PDE11A: variants seen among roughly 807,000 people sequenced by gnomAD.
PDE11A encodes phosphodiesterase 11A.
A neutral mutation model predicts 100.5 loss-of-function variants in PDE11A; 100 were observed. The ratio of observed to expected loss-of-function variants is 1.00; its 90% CI spans 0.85 to 1.18. PDE11A has a LOEUF of 1.18. PDE11A is among the 50% of genes most tolerant of loss of function. The pLI, the probability that PDE11A is intolerant of heterozygous loss-of-function variation, is 0.00. For missense variants in PDE11A, 1,141 were observed against 1,152.6 expected, an observed-to-expected ratio of 0.99 and a Z score of 0.15; for synonymous variants, 381 against 420.8, an observed-to-expected ratio of 0.91 and a Z score of 1.16.
In PDE11A at chr2:177,820,259, G is replaced by A; in HGVS notation, c.1537C>T (p.Leu513Phe). 1.9e-6 allele frequency: 3 copies of A among 1,594,172 alleles called. No individual in the cohort carries two copies. Among genetic ancestry groups the A allele is most frequent in the Non-Finnish European group, 1.7e-6 (2 of 1,162,320 alleles). ...TTGCTATTCCAAATAGGGACACAAA[G>A]AACAGATCTTATGTGAAAACCAGAT... is the stretch of plus-strand genomic sequence containing the variant. ...QISGFHIRSV[L>F]CVPIWNSNHQ... The change falls in exon 7 of 20, where the codon CTT becomes TTT. Residue 513 changes from leucine (L) to phenylalanine (F), a missense_variant. By Grantham distance (22) the Leu-to-Phe change is conservative (BLOSUM62 0). Transcript: ENST00000286063.
chr2:177,747,306 C>A (rs1320890724), intron 10 of PDE11A, among the ~76,000 whole-genome samples: 1 of 152,208 alleles, frequency 6.6e-6, no homozygotes, highest in East Asian at 1.9e-4. Context: ...CAATTTGGCT[C>A]CTGTTTCTAA....
At chr2:177,686,441 C>T (rs1195204337) in intron 15 of PDE11A, among the ~76,000 whole-genome samples, 1 of 152,094 alleles carries the variant, frequency 6.6e-6, no homozygotes, top group Non-Finnish European at 1.5e-5. Flanking sequence ...GAGGCACACG[C>T]CTGTAGTCCC....
intron 6 of PDE11A, among the ~76,000 whole-genome samples, chr2:177,821,285 T>C (rs1429922757): frequency 6.6e-6 from 1 of 151,828 alleles, no homozygotes; most frequent in African/African-American, 2.4e-5. Flanking sequence ...TCTTTTTCAA[T>C]GTTTTTTGAA....
intron 7 of PDE11A, 112 bp from the exon 8 acceptor site, chr2:177,818,037 A>G: frequency 1.4e-6 from 1 of 698,692 alleles, no homozygotes; most frequent in South Asian, 1.5e-5. Flanking sequence ...CACTCAGTTT[A>G]AACTCTGGTC....
intron 2 of PDE11A, among the ~76,000 whole-genome samples, chr2:177,915,617 T>G (rs1367670918): frequency 6.6e-6 from 1 of 152,230 alleles, no homozygotes; most frequent in Non-Finnish European, 1.5e-5. Flanking sequence ...TCTCAATTGC[T>G]CCCAAGATTT....
At chr2:177,685,607 T>A (rs547917902) in intron 15 of PDE11A, among the ~76,000 whole-genome samples, 11 of 152,252 alleles carry the variant, frequency 7.2e-5, no homozygotes, top group Admixed American at 4.6e-4. Context: ...TGGAGTGCAA[T>A]GTCGCGATCT....
intron 9 of PDE11A, among the ~76,000 whole-genome samples, chr2:177,770,700 A>T (rs569311924): frequency 1.3e-5 from 2 of 152,332 alleles, no homozygotes; most frequent in South Asian, 4.1e-4. Flanking sequence ...CCTGCCCCAG[A>T]ATTCTTGTTG....
chr2:177,808,844 A>C (rs1374246945), intron 9 of PDE11A, among the ~76,000 whole-genome samples: 2 of 152,196 alleles, frequency 1.3e-5, no homozygotes, highest in Non-Finnish European at 2.9e-5. Flanking sequence ...AAAAATAATC[A>C]GACCATGGAA....
chr2:177,859,910 T>A (rs1397926031), intron 5 of PDE11A, among the ~76,000 whole-genome samples: 1 of 151,836 alleles, frequency 6.6e-6, no homozygotes, highest in Non-Finnish European at 1.5e-5. Context: ...ATACTTTGAA[T>A]GAAAACAAAA....
chr2:178,059,533 C>A, intron 1 of PDE11A, among the ~76,000 whole-genome samples: 1 of 152,198 alleles, frequency 6.6e-6, no homozygotes, highest in Non-Finnish European at 1.5e-5. Context: ...AGAAAGACCC[C>A]TGTTTTCATT....
At chr2:177,674,619 T>C (rs1574031441) in intron 17 of PDE11A, among the ~76,000 whole-genome samples, 1 of 152,224 alleles carries the variant, frequency 6.6e-6, no homozygotes, top group East Asian at 1.9e-4. Context: ...AAAGATACTC[T>C]TTCCTTTCAC....
chr2:177,693,322 A>G lies in PDE11A; in HGVS notation c.2345+4010T>C, dbSNP rs547822627. Reference sequence around the variant, plus strand: ...ACAACATGGAAGTACATGAGAGTTAACATCCCACAGATCAACATTTGGTTG... The same window carrying G: ...ACAACATGGAAGTACATGAGAGTTAGCATCCCACAGATCAACATTTGGTTG... On this transcript the variant is annotated intron_variant, in intron 15 of 19. Transcript: ENST00000286063. 2.0e-5 allele frequency among the ~76,000 whole-genome samples: 3 copies of G among 152,324 alleles called. No homozygotes were observed. In the South Asian group the frequency reaches 6.2e-4, roughly 32 times the overall value.
At chr2:177,792,884 C>G (rs10178473) in intron 9 of PDE11A, among the ~76,000 whole-genome samples, 50,560 of 151,996 alleles carry the variant, frequency 0.33, 8,784 homozygotes, top group African/African-American at 0.39. Flanking sequence ...GGCAAACATA[C>G]AAGTTGAAAT....
At chr2:177,982,648 A>G (rs959792) in intron 2 of PDE11A, among the ~76,000 whole-genome samples, 96,843 of 150,024 alleles carry the variant, frequency 0.65, 34,671 homozygotes, top group African/African-American at 0.87. Context: ...GAGGAGGAAC[A>G]GATTAAATAT....
At chr2:177,792,092 C>G (rs1281637428) in intron 9 of PDE11A, among the ~76,000 whole-genome samples, 2 of 152,130 alleles carry the variant, frequency 1.3e-5, no homozygotes, top group Non-Finnish European at 2.9e-5. Context: ...ATAACTATTT[C>G]AAAATTAGTG....
chr2:177,702,997 C>T lies in PDE11A; in HGVS notation c.2154-1786G>A, dbSNP rs538069575. 1.1e-4 allele frequency among the ~76,000 whole-genome samples: 16 copies of T among 152,116 alleles called. No homozygotes were observed. In the South Asian group the frequency reaches 3.1e-3, roughly 30 times the overall value. ...TTCTATGAAGACACGTGTTTCAAAA[C>T]GTATACTATATGCCTTTGTCTTGGC... On this transcript the variant is annotated intron_variant, in intron 13 of 19. Transcript: ENST00000286063.
At chr2:177,793,880 A>T (rs1309623570) in intron 9 of PDE11A, among the ~76,000 whole-genome samples, 1 of 152,192 alleles carries the variant, frequency 6.6e-6, no homozygotes, top group Non-Finnish European at 1.5e-5. Context: ...AGTGAATTTC[A>T]TTATGAATTT....
At chr2:177,697,459 A>G in intron 14 of PDE11A, 27 bp from the exon 15 acceptor site, 1 of 1,056,844 alleles carries the variant, frequency 9.5e-7, no homozygotes, top group Non-Finnish European at 1.5e-6. Context: ...AAAAGTCACA[A>G]AAGACATTAA....
chr2:177,688,255 G>C (rs1451817367), intron 15 of PDE11A: 6 of 152,252 alleles, frequency 3.9e-5, no homozygotes, highest in Non-Finnish European at 7.3e-5. Context: ...CCAAAGAAGA[G>C]CTGCAGATTG....
Sources: gnomAD v4.1 joint callset for allele counts (sites outside exome capture counted in the v4.1 genomes callset) on GRCh38, gnomAD v4.1.1 for gene constraint, MANE v1.5 for transcripts, NCBI Gene and HGNC (gene_info 2026-07-23, HGNC 2026-07-21) for gene names.